CCNH: variants seen among roughly 807,000 people sequenced by gnomAD.
CCNH encodes cyclin-H.
Under a neutral mutation model 41.9 loss-of-function variants are expected in CCNH, and 31 were observed. That is an observed-to-expected ratio of 0.74 (90% CI 0.56 to 1.00). The LOEUF (loss-of-function observed/expected upper bound fraction) is 1.00. Among genes scored for constraint, CCNH ranks in the 50% least tolerant of loss-of-function variants. CCNH has a pLI of 0.00. For synonymous variants in CCNH, 138 were observed against 136.1 expected (o/e 1.01, Z -0.10); for missense variants, 362 against 388.4 (o/e 0.93, Z 0.57).
At chr5:87,410,376 ACTCT>A (rs141645344) in intron 2 of CCNH, among the ~76,000 whole-genome samples, 1 of 151,892 alleles carries the variant, frequency 6.6e-6, no homozygotes. Flanking sequence ...TATACCTAAA[ACTCT>A]CTCTGAATCT....
At chr5:87,386,679 T>C, downstream of CCNH, 5 of 678,400 alleles carry the variant, frequency 7.4e-6, no homozygotes, top group Admixed American at 8.8e-5. Context: ...ATAAGAAGTA[T>C]TGCTACATGT....
intron 9 of CCNH, among the ~76,000 whole-genome samples, chr5:87,354,822 C>T (rs965619642): frequency 2.0e-5 from 3 of 152,286 alleles, no homozygotes; most frequent in Middle Eastern, 3.4e-3. Context: ...CCATTGAACA[C>T]ATGAATGATT....
At chr5:87,388,705 G>A (rs769529486), downstream of CCNH, among the ~76,000 whole-genome samples, 7 of 152,182 alleles carry the variant, frequency 4.6e-5, no homozygotes, top group Non-Finnish European at 1.0e-4. Flanking sequence ...ATAGTCCACA[G>A]ATAATTGCAA....
rs995740892 is a variant in CCNH at position 87,412,713 on chromosome 5, G to A, written c.82C>T (p.Arg28Cys). 2 of 1,614,048 alleles carry A rather than the reference G, an allele frequency of 1.2e-6. No homozygotes were observed. The highest frequency in any genetic ancestry group is 3.3e-5 in the Admixed American group (2 of 60,008). The change falls in exon 1 of 9, where the codon CGC becomes TGC. Residue 28 changes from arginine (R) to cysteine (C), a missense_variant. Transcript: ENST00000256897. ...QLARLRADAN[R>C]KFRCKAVANG... Reference sequence around the variant, plus strand: ...GCCACGGCTTTGCATCTGAATTTGCGGTTGGCGTCAGCCCGCAGTCTTGCC... The same window carrying A: ...GCCACGGCTTTGCATCTGAATTTGCAGTTGGCGTCAGCCCGCAGTCTTGCC...
intron 9 of CCNH, among the ~76,000 whole-genome samples, chr5:87,328,866 G>A (rs568067527): frequency 6.6e-6 from 1 of 152,270 alleles, no homozygotes; most frequent in South Asian, 2.1e-4. Flanking sequence ...TCTGTAAGGT[G>A]TCTGAATCAA....
intron 9 of CCNH, chr5:87,337,879 T>C (rs1296276157): frequency 7.7e-7 from 1 of 1,296,310 alleles, no homozygotes; most frequent in African/African-American, 1.5e-5. Context: ...TTTTTCAATA[T>C]AATACTATCC....
chr5:87,395,886 T>A (rs938077657), intron 7 of CCNH, among the ~76,000 whole-genome samples: 5 of 151,694 alleles, frequency 3.3e-5, no homozygotes, highest in East Asian at 1.9e-4. Flanking sequence ...AAAAGCGGGG[T>A]GTGGGAGCTG....
intron 9 of CCNH, among the ~76,000 whole-genome samples, chr5:87,355,718 C>A (rs1441047934): frequency 6.6e-6 from 1 of 152,204 alleles, no homozygotes; most frequent in Non-Finnish European, 1.5e-5. Context: ...GGGCAAGGTA[C>A]ATTGAAAACC....
At chr5:87,376,291 C>A in exon 1 of CCNH, 1 of 1,350,696 alleles carries the variant, frequency 7.4e-7, no homozygotes, top group Non-Finnish European at 1.0e-6. Flanking sequence ...TAATGAAAAG[C>A]ATTTAACACC....
chr5:87,363,878 T>A (rs567009906), intron 9 of CCNH, among the ~76,000 whole-genome samples: 7 of 152,230 alleles, frequency 4.6e-5, no homozygotes, highest in African/African-American at 1.7e-4. Context: ...ATAAGCAAGT[T>A]CTTAAGAAAG....
At chr5:87,352,136 C>A (rs1759320076) in intron 9 of CCNH, among the ~76,000 whole-genome samples, 2 of 151,572 alleles carry the variant, frequency 1.3e-5, no homozygotes, top group Admixed American at 1.3e-4. Context: ...TTATTTATCT[C>A]ATTTTCACCA....
chr5:87,366,431 C>T (rs1169035420), intron 9 of CCNH: 2 of 366,994 alleles, frequency 5.4e-6, no homozygotes, highest in Non-Finnish European at 1.1e-5. Context: ...AAAGAATTGC[C>T]AGAGTAAAAA....
intron 9 of CCNH, among the ~76,000 whole-genome samples, chr5:87,336,692 A>C (rs1757997647): frequency 1.3e-5 from 2 of 152,116 alleles, no homozygotes; most frequent in African/African-American, 4.8e-5. Flanking sequence ...GCTACTTTTA[A>C]CTAAGAAATG....
chr5:87,336,827 AGTGAAATATTGGCC>A (rs1758009186), intron 9 of CCNH, among the ~76,000 whole-genome samples: 1 of 152,098 alleles, frequency 6.6e-6, no homozygotes, highest in African/African-American at 2.4e-5. Flanking sequence ...CCATTCAGCT[AGTGAAATATTGGCC>A]ATCATTAAGA....
rs139524230 is a variant in CCNH, at chr5:87,382,897, C to T, written c.*90+9873G>A. On this transcript the variant is annotated intron_variant and NMD_transcript_variant, in intron 9 of 9. Transcript: ENST00000645953. Reference sequence around the variant, plus strand: ...AGGAATTTGAAATTGTCCTGGGCACCGTAGCGAGACTCTGCTTTCTACAAA... The same window carrying T: ...AGGAATTTGAAATTGTCCTGGGCACTGTAGCGAGACTCTGCTTTCTACAAA... Among the ~76,000 whole-genome samples the T allele has an allele frequency of 2.7e-3, 404 of 151,030 alleles. 5 individuals are homozygous for T. The highest frequency in any genetic ancestry group is 8.5e-3 in the East Asian group (44 of 5,148).
At chr5:87,346,309 T>C (rs1327703119) in intron 9 of CCNH, among the ~76,000 whole-genome samples, 1 of 151,946 alleles carries the variant, frequency 6.6e-6, no homozygotes, top group East Asian at 1.9e-4. Context: ...ATTCATTAAT[T>C]TTTTCAGGGA....
chr5:87,409,185 C>A, intron 3 of CCNH, 105 bp downstream of exon 3: 2 of 575,156 alleles, frequency 3.5e-6, no homozygotes, highest in South Asian at 3.0e-5. Flanking sequence ...ATTAGGAAGT[C>A]AGTTCTCTCT....
intron 9 of CCNH, among the ~76,000 whole-genome samples, chr5:87,368,567 A>T (rs748396497): frequency 1.3e-5 from 2 of 152,198 alleles, no homozygotes; most frequent in Non-Finnish European, 2.9e-5. Flanking sequence ...CGGATGGTAT[A>T]GGGTTAGTAC....
At chr5:87,328,125 A>G in intron 9 of CCNH, among the ~76,000 whole-genome samples, 1 of 152,334 alleles carries the variant, frequency 6.6e-6, no homozygotes, top group South Asian at 2.1e-4. Context: ...CATTGGACAA[A>G]TACTTTTAAA....
Sources: allele counts gnomAD v4.1 joint callset (sites outside exome capture counted in the v4.1 genomes callset), GRCh38; gene constraint gnomAD v4.1.1; transcripts MANE v1.5; gene names NCBI Gene and HGNC (gene_info 2026-07-23, HGNC 2026-07-21).